ZNF654: variants seen among roughly 807,000 people sequenced by gnomAD.
The protein encoded by ZNF654 is zinc finger protein 654, also known as melanoma-associated antigen.
In ZNF654, 19 loss-of-function variants were observed where a neutral mutation model predicts 95.3. The ratio of observed to expected loss-of-function variants is 0.20; its 90% CI spans 0.14 to 0.29. The LOEUF is 0.29. Ranked by LOEUF, ZNF654 falls within the 10% of genes least tolerant of loss-of-function variation. The pLI is 1.00. For synonymous variants in ZNF654, 413 were observed against 457.9 expected (o/e 0.90, Z 1.25); for missense variants, 1,046 against 1,341.0 (o/e 0.78, Z 3.44).
intron 7 of ZNF654, among the ~76,000 whole-genome samples, chr3:88,136,848 C>G (rs1473549262): frequency 6.6e-6 from 1 of 152,038 alleles, no homozygotes; most frequent in Non-Finnish European, 1.5e-5. Context: ...TTTGGATGAT[C>G]TTAACATTTT....
At chr3:88,066,462 T>C (rs777270162) in intron 1 of ZNF654, among the ~76,000 whole-genome samples, 2 of 152,042 alleles carry the variant, frequency 1.3e-5, no homozygotes, top group South Asian at 2.1e-4. Flanking sequence ...TAGTCCCAGC[T>C]ACTTGGGAGG....
At chr3:88,103,643 A>G (rs1472348629) in intron 2 of ZNF654, among the ~76,000 whole-genome samples, 10 of 152,238 alleles carry the variant, frequency 6.6e-5, no homozygotes, top group African/African-American at 2.4e-4. Flanking sequence ...AACAAGAGAA[A>G]AAAAGACATG....
chr3:88,063,838 C>G (rs1042067872), intron 1 of ZNF654, among the ~76,000 whole-genome samples: 7 of 152,022 alleles, frequency 4.6e-5, no homozygotes, highest in Admixed American at 3.9e-4. Flanking sequence ...CTTAGCATCC[C>G]GAGTTTGTGT....
At position 88,108,169 on chromosome 3, in the gene ZNF654, A is replaced by ACAT. The variant is rs1221932198; in HGVS notation, c.333-4946_333-4945insCAT. On this transcript the variant is annotated intron_variant, in intron 2 of 8. Transcript: ENST00000636215. ...TTTGACCATGTAGGTATATGAATTC[A>ACAT]GGTCACGACCTACATGAGAAGATTT... 1.7e-3 allele frequency among the ~76,000 whole-genome samples: 265 copies of ACAT among 151,880 alleles called. 1 individual carries two copies. Among genetic ancestry groups the ACAT allele is most frequent in the African/African-American group, 5.2e-3 (215 of 41,464 alleles).
chr3:88,075,340 CAT>C (rs1448921823), intron 1 of ZNF654, among the ~76,000 whole-genome samples: 1 of 152,212 alleles, frequency 6.6e-6, no homozygotes, highest in Non-Finnish European at 1.5e-5. Flanking sequence ...TAGACCCAAA[CAT>C]GTGCCAAGGC....
chr3:88,104,545 T>G (rs913307636), intron 2 of ZNF654, among the ~76,000 whole-genome samples: 14 of 152,336 alleles, frequency 9.2e-5, no homozygotes, highest in Admixed American at 4.6e-4. Context: ...TAGTGAAATA[T>G]TATTGGTTTG....
chr3:88,126,807 T>A (rs1401652688), intron 4 of ZNF654, among the ~76,000 whole-genome samples: 5 of 152,140 alleles, frequency 3.3e-5, no homozygotes, highest in African/African-American at 1.2e-4. Flanking sequence ...TGTGAGTGAA[T>A]AAGTGACTAA....
chr3:88,088,199 A>T (rs1039565511), intron 2 of ZNF654, among the ~76,000 whole-genome samples: 3 of 152,214 alleles, frequency 2.0e-5, no homozygotes, highest in Non-Finnish European at 4.4e-5. Context: ...TACGCTAAAG[A>T]AAAATTCATC....
rs1707170660 is a variant in ZNF654 at position 88,142,284 on chromosome 3, T to C, written c.*632T>C. 1.3e-5 allele frequency: 1 copy of C among 75,920 alleles called. No homozygotes were observed. Among genetic ancestry groups the C allele is most frequent in the African/African-American group, 3.5e-5 (1 of 28,344 alleles). 4.7% of individuals were successfully genotyped at this position (75,920 alleles called of 1,614,324 possible). A position where few individuals can be genotyped will look rare whatever the true frequency, so the allele number is the denominator to read the frequency against. ...TGAATGGCACGCCAGCATTGAAAAT[T>C]AAAAAACAAAACAAAAAAAACCACA... On this transcript the variant is annotated 3_prime_UTR_variant, in exon 9 of 9. Transcript: ENST00000636215.
At chr3:88,106,168 A>G (rs540534044) in intron 2 of ZNF654, among the ~76,000 whole-genome samples, 2 of 152,290 alleles carry the variant, frequency 1.3e-5, no homozygotes, top group African/African-American at 2.4e-5. Context: ...CAGCTGTACA[A>G]TGGACTAAGA....
intron 3 of ZNF654, among the ~76,000 whole-genome samples, chr3:88,125,227 CAAAA>C (rs1233175146): frequency 6.8e-6 from 1 of 147,530 alleles, no homozygotes; most frequent in Non-Finnish European, 1.5e-5. Flanking sequence ...AAAAAAAAAA[CAAAA>C]AAACAAAAAA....
chr3:88,114,906 G>C (rs1056845323), intron 3 of ZNF654, among the ~76,000 whole-genome samples: 24 of 152,176 alleles, frequency 1.6e-4, no homozygotes, highest in African/African-American at 5.5e-4. Flanking sequence ...ATAGTGATAA[G>C]TGACTAATTC....
At chr3:88,087,518 A>C (rs1455319020) in intron 2 of ZNF654, among the ~76,000 whole-genome samples, 1 of 152,244 alleles carries the variant, frequency 6.6e-6, no homozygotes, top group Non-Finnish European at 1.5e-5. Flanking sequence ...AATGAAAATA[A>C]ATAGAGAAAG....
intron 2 of ZNF654, among the ~76,000 whole-genome samples, chr3:88,109,142 A>AGTGTGTGTGTGTGTGTGTGTGT (rs35595112): frequency 2.1e-5 from 3 of 142,530 alleles, no homozygotes; most frequent in African/African-American, 5.2e-5. Context: ...AGTGGGCACT[A>AGTGTGTGTGTGTGTGTGTGTGT]GTGTGTGTGT....
At chr3:88,078,990 G>A (rs1707950237) in intron 1 of ZNF654, among the ~76,000 whole-genome samples, 1 of 152,058 alleles carries the variant, frequency 6.6e-6, no homozygotes, top group Non-Finnish European at 1.5e-5. Context: ...AAAAGCTAAT[G>A]TATTGGCTAA....
intron 1 of ZNF654, among the ~76,000 whole-genome samples, chr3:88,063,091 C>T (rs899798703): frequency 2.6e-5 from 4 of 152,130 alleles, no homozygotes; most frequent in Non-Finnish European, 4.4e-5. Flanking sequence ...CCTTAGGAGA[C>T]ATTTGGCAAT....
At chr3:88,101,491 C>T (rs532975735) in intron 2 of ZNF654, among the ~76,000 whole-genome samples, 1 of 152,124 alleles carries the variant, frequency 6.6e-6, no homozygotes, top group African/African-American at 2.4e-5. Context: ...GAATAATGTT[C>T]TTGAGGTTTA....
At chr3:88,066,498 C>T (rs371103246) in intron 1 of ZNF654, among the ~76,000 whole-genome samples, 20 of 151,956 alleles carry the variant, frequency 1.3e-4, no homozygotes, top group African/African-American at 4.8e-4. Context: ...GGCTTAAGCC[C>T]AGGAGGCGGA....
chr3:88,086,071 A>G (rs963500319), intron 1 of ZNF654, among the ~76,000 whole-genome samples, 186 bp from the exon 2 acceptor site: 6 of 152,224 alleles, frequency 3.9e-5, no homozygotes, highest in Non-Finnish European at 8.8e-5. Context: ...CTTTTCAAAG[A>G]TAATAATTGA....
Sources: allele counts gnomAD v4.1 joint callset (sites outside exome capture counted in the v4.1 genomes callset), GRCh38; gene constraint gnomAD v4.1.1; transcripts MANE v1.5; gene names NCBI Gene and HGNC (gene_info 2026-07-23, HGNC 2026-07-21).